Variants in MSH6 observed in about 807,000 individuals in gnomAD.
MSH6 encodes the protein mutS homolog 6, also known as DNA mismatch repair protein Msh6.
A neutral mutation model predicts 119.1 loss-of-function variants in MSH6; 85 were observed. The observed-to-expected ratio is 0.71, with a 90% CI of 0.60 to 0.85. The LOEUF (loss-of-function observed/expected upper bound fraction) is 0.85, where lower values mean the gene tolerates loss of function less well. Ranked by LOEUF, MSH6 falls within the 40% of genes least tolerant of loss-of-function variation. MSH6 has a pLI of 0.00. For synonymous variants in MSH6, 830 were observed against 586.9 expected, an observed-to-expected ratio of 1.41 and a Z score of -5.99; for missense variants, 2,163 against 1,655.3, an observed-to-expected ratio of 1.31 and a Z score of -5.32.
chr2:47,790,815 C>A lies in MSH6; in HGVS notation c.261-112C>A, dbSNP rs999279514. The A allele has an allele frequency of 2.1e-5, 20 of 938,356 alleles. No homozygotes were observed. The African/African-American group carries it at 2.8e-4, about 13-fold the overall frequency. 58.1% of individuals were successfully genotyped at this position (938,356 alleles called of 1,614,324 possible). On this transcript the variant is annotated intron_variant, in intron 1 of 9. Coordinates refer to ENST00000234420, the MANE Select transcript of MSH6 (RefSeq NM_000179.3). ...GACTTTAAAAATTATTCTAGAATTT[C>A]TGTGCTTCAATATTAATGCCAGAAG... is the stretch of plus-strand genomic sequence containing the variant.
intron 2 of MSH6, among the ~76,000 whole-genome samples, 163 bp downstream of exon 2, chr2:47,791,286 G>C (rs1395235686): frequency 6.6e-6 from 1 of 152,128 alleles, no homozygotes; most frequent in Non-Finnish European, 1.5e-5. Flanking sequence ...CATGGGAAAG[G>C]GATGTAACAT....
intron 4 of MSH6, among the ~76,000 whole-genome samples, chr2:47,802,635 G>GTTTTTTTTTTTTTTTTTTTTTTTTTTTTT: frequency 8.6e-6 from 1 of 115,910 alleles, no homozygotes; most frequent in Non-Finnish European, 1.8e-5. Context: ...GCCCAGCCCT[G>GTTTTTTTTTTTTTTTTTTTTTTTTTTTTT]TTTTTTTTTT....
In MSH6 at chr2:47,798,923, A is replaced by G. The variant is rs1553412366; in HGVS notation, c.940A>G (p.Ser314Gly). Reference protein sequence around the residue: ...VTGNGSLKRKSSRKETPSATK... With the variant: ...VTGNGSLKRKGSRKETPSATK... ...TGGAAATGGCTCTCTTAAAAGGAAA[A>G]GCTCTAGGAAGGAAACGCCCTCAGC... The change falls in exon 4 of 10, where the codon AGC becomes GGC. Residue 314 changes from serine to glycine, a missense_variant. Transcript: ENST00000234420. 6.2e-7 allele frequency: 1 copy of G among 1,614,172 alleles called. No individual in the cohort carries two copies. Among genetic ancestry groups the G allele is most frequent in the Non-Finnish European group, 8.5e-7 (1 of 1,180,026 alleles).
rs1558650240 is a variant in MSH6 at position 47,788,922 on chromosome 2, G to GTTTTTTTTTTTTTTT, written c.261-1994_261-1980dup. 2.2e-3 allele frequency among the ~76,000 whole-genome samples: 92 copies of GTTTTTTTTTTTTTTT among 40,942 alleles called. 12 individuals are homozygous for GTTTTTTTTTTTTTTT. The highest frequency in any genetic ancestry group is 3.2e-3 in the South Asian group (3 of 950). The allele number at this position is 40,942 out of a possible 152,430, so 26.9% of individuals were successfully genotyped here. On this transcript the variant is annotated intron_variant, in intron 1 of 9. Transcript: ENST00000234420. ...TTTCTTCTTCCTTTTTTTTTTTTTT[G>GTTTTTTTTTTTTTTT]TTTTTTTTTTTTTTTTTTTTTTTTT... is the stretch of plus-strand genomic sequence containing the variant.
intron 2 of MSH6, among the ~76,000 whole-genome samples, chr2:47,795,258 T>C (rs540821761): frequency 6.6e-6 from 1 of 152,278 alleles, no homozygotes; most frequent in Non-Finnish European, 1.5e-5. Flanking sequence ...TTGGTGATTT[T>C]AGTTTCACCA....
chr2:47,792,999 T>TTCTGA (rs1262615647), intron 2 of MSH6, among the ~76,000 whole-genome samples: 4 of 151,818 alleles, frequency 2.6e-5, no homozygotes, highest in Non-Finnish European at 5.9e-5. Context: ...CTGATACTGT[T>TTCTGA]TACTTATATT....
intron 1 of MSH6, among the ~76,000 whole-genome samples, chr2:47,788,857 C>T (rs962634699): frequency 5.5e-5 from 8 of 145,866 alleles, no homozygotes; most frequent in African/African-American, 2.0e-4. Flanking sequence ...TAGGAGTGAG[C>T]CACTGCGCCC....
At chr2:47,808,232 A>G (rs1201078528), downstream of MSH6, 2 of 1,613,436 alleles carry the variant, frequency 1.2e-6, no homozygotes, top group Non-Finnish European at 1.7e-6. Flanking sequence ...TTCCAGCACC[A>G]CAGTCACAGA....
chr2:47,793,720 A>G (rs2104178951), intron 2 of MSH6, among the ~76,000 whole-genome samples: 1 of 152,148 alleles, frequency 6.6e-6, no homozygotes, highest in South Asian at 2.1e-4. Context: ...CGAGATTTAA[A>G]AAATTTGGCA....
At chr2:47,804,719 A>G (rs931325912) in intron 5 of MSH6, among the ~76,000 whole-genome samples, 191 bp from the exon 6 acceptor site, 3 of 152,208 alleles carry the variant, frequency 2.0e-5, no homozygotes, top group Non-Finnish European at 2.9e-5. Context: ...GTGAGGCCCT[A>G]TGCCTCTTGT....
chr2:47,810,082 TA>T (rs1468830889), downstream of MSH6: 1 of 503,184 alleles, frequency 2.0e-6, no homozygotes, highest in Non-Finnish European at 3.5e-6. Context: ...TCTATCCCAA[TA>T]AATGTTTCAT....
At chr2:47,802,638 T>G (rs1296398488) in intron 4 of MSH6, among the ~76,000 whole-genome samples, 1 of 128,896 alleles carries the variant, frequency 7.8e-6, no homozygotes, top group Non-Finnish European at 1.8e-5. Flanking sequence ...CAGCCCTGTT[T>G]TTTTTTTTTT....
chr2:47,808,321 C>A (rs2104612750), downstream of MSH6: 1 of 1,612,056 alleles, frequency 6.2e-7, no homozygotes, highest in African/African-American at 1.3e-5. Flanking sequence ...AGCAAGTGTG[C>A]TACATACCTA....
Position 47,800,834 on chromosome 2 carries a change from C to T in MSH6, c.2851C>T (p.Leu951Phe), listed in dbSNP as rs759708484. ...LADIRENEQS[L>F]LEYLEKQRNR... is the part of the protein sequence containing the mutation. ...TGACATAAGAGAAAATGAACAGAGC[C>T]TCCTGGAATACCTAGAGAAACAGCG... is the stretch of plus-strand genomic sequence containing the variant. The change falls in exon 4 of 10, where the codon CTC becomes TTC. Residue 951 changes from leucine to phenylalanine, a missense_variant. Physicochemically the swap from Leu to Phe is conservative, Grantham distance 22 (BLOSUM62 0). Transcript: ENST00000234420. The T allele has an allele frequency of 6.2e-7, 1 of 1,614,084 alleles. No individual in the cohort carries two copies. Among genetic ancestry groups the T allele is most frequent in the South Asian group, 1.1e-5 (1 of 91,072 alleles).
At position 47,806,922 on chromosome 2, in the gene MSH6, A is replaced by T. The variant is rs569367018; in HGVS notation, c.*62A>T. 6 of 1,204,932 alleles carry T rather than the reference A, an allele frequency of 5.0e-6. No homozygotes were observed. The Admixed American group carries it at 1.1e-4, about 21-fold the overall frequency. The allele number at this position is 1,204,932 out of a possible 1,614,324, so 74.6% of individuals were successfully genotyped here. ...AAAGGTGGTAAATTCAGACAACATT[A>T]TGATCTAATAAACTTTATTTTTTAA... is the stretch of plus-strand genomic sequence containing the variant. On this transcript the variant is annotated 3_prime_UTR_variant, in exon 10 of 10. Transcript: ENST00000234420.
rs1428717797 is a variant in MSH6 at position 47,783,469 on chromosome 2, C to A, written c.236C>A (p.Ser79Ter). The change falls in exon 1 of 10, where the codon TCG becomes TAG. Residue 79 changes from serine to a stop codon, truncating the protein, a stop_gained. Transcript: ENST00000234420. LOFTEE classifies it high-confidence loss of function. ...AACCTCAACGGAGGGCTGCGGAGAT[C>A]GGTAGCGCCTGCTGCCCCCACCAGG... ...AKNLNGGLRR[S>*]VAPAAPTSCD... is the part of the protein sequence containing the mutation. 1 of 1,446,292 alleles carries A rather than the reference C, an allele frequency of 6.9e-7. No individual in the cohort carries two copies. The highest frequency in any genetic ancestry group is 9.1e-7 in the Non-Finnish European group (1 of 1,099,688). 89.6% of individuals were successfully genotyped at this position (1,446,292 alleles called of 1,614,324 possible).
chr2:47,787,830 G>C (rs1328570778), intron 1 of MSH6, among the ~76,000 whole-genome samples: 4 of 152,090 alleles, frequency 2.6e-5, no homozygotes, highest in Non-Finnish European at 5.9e-5. Flanking sequence ...GTGTAGCCCA[G>C]ATGGTCTCGA....
Position 47,799,944 on chromosome 2 carries a change from T to C in MSH6, c.1961T>C (p.Met654Thr), listed in dbSNP as rs761433489. 5 of 1,614,140 alleles carry C rather than the reference T, an allele frequency of 3.1e-6. No homozygotes were observed. Among genetic ancestry groups the C allele is most frequent in the Non-Finnish European group, 4.2e-6 (5 of 1,180,022 alleles). The change falls in exon 4 of 10, where the codon ATG (methionine) becomes ACG (threonine). Residue 654 changes from methionine to threonine, a missense_variant. Physicochemically the swap from Met to Thr is moderately conservative, Grantham distance 81. Coordinates refer to ENST00000234420, the MANE Select transcript of MSH6 (RefSeq NM_000179.3). Reference sequence around the variant, plus strand: ...AAGCTAAGTGATGGCATTGGGGTGATGTTACCCCAGGTGCTTAAAGGTATG... The same window carrying C: ...AAGCTAAGTGATGGCATTGGGGTGACGTTACCCCAGGTGCTTAAAGGTATG... ...REKLSDGIGVMLPQVLKGMTS... is the reference protein window; with the variant it reads ...REKLSDGIGVTLPQVLKGMTS...
At chr2:47,789,021 G>A (rs1410629513) in intron 1 of MSH6, among the ~76,000 whole-genome samples, 2 of 141,824 alleles carry the variant, frequency 1.4e-5, no homozygotes, top group African/African-American at 5.3e-5. Flanking sequence ...TGCTGCCCGG[G>A]TTCAAGTGAT....
Sources: gnomAD v4.1 joint callset for allele counts (sites outside exome capture counted in the v4.1 genomes callset) on GRCh38, gnomAD v4.1.1 for gene constraint, MANE v1.5 for transcripts, NCBI Gene and HGNC (gene_info 2026-07-23, HGNC 2026-07-21) for gene names.